SEMA5A: variants seen among roughly 807,000 people sequenced by gnomAD.
SEMA5A encodes the protein semaphorin-5A.
Under a neutral mutation model 135.5 loss-of-function variants are expected in SEMA5A, and 55 were observed. The ratio of observed to expected loss-of-function variants is 0.41; its 90% confidence interval spans 0.33 to 0.51. The LOEUF (loss-of-function observed/expected upper bound fraction) is 0.51, where lower values mean the gene tolerates loss of function less well. SEMA5A is among the 20% of genes least tolerant of loss of function. The pLI is 0.37. For missense variants in SEMA5A, 1,290 were observed against 1,419.9 expected, an observed-to-expected ratio of 0.91 and a Z score of 1.47; for synonymous variants, 580 against 546.5, an observed-to-expected ratio of 1.06 and a Z score of -0.85.
rs1561207662 is a variant in SEMA5A, at chr5:9,384,591, GATAGATAGATAGATAGATAGATAGATAC to G, written c.-77-4596_-77-4569del. Among the ~76,000 whole-genome samples the G allele has an allele frequency of 2.6e-4, 27 of 103,584 alleles. 1 individual carries two copies. Among genetic ancestry groups the G allele is most frequent in the South Asian group, 1.3e-3 (4 of 3,012 alleles). The allele number at this position is 103,584 out of a possible 152,430, so 68.0% of individuals were successfully genotyped here. ...AGATACATAGATAGATAGATAGATA[GATAGATAGATAGATAGATAGATAGATAC>G]ATAGATAGATAGATAGATAGATAGA... On this transcript the variant is annotated intron_variant, in intron 2 of 22. Transcript: ENST00000382496.
chr5:9,093,701 A>AC (rs1433832828), intron 16 of SEMA5A, among the ~76,000 whole-genome samples: 1 of 151,546 alleles, frequency 6.6e-6, no homozygotes, highest in Non-Finnish European at 1.5e-5. Context: ...TCAAAAAAAA[A>AC]CAAAAAAACA....
At chr5:9,312,645 G>A (rs186500477) in intron 5 of SEMA5A, among the ~76,000 whole-genome samples, 1 of 152,228 alleles carries the variant, frequency 6.6e-6, no homozygotes, top group Non-Finnish European at 1.5e-5. Flanking sequence ...CATTCACTCA[G>A]GGTAACAGAG....
In SEMA5A at chr5:9,202,132, C is replaced by T. The variant is rs199882438; in HGVS notation, c.755G>A (p.Arg252Gln). The change falls in exon 9 of 23, where the codon CGG becomes CAG. Residue 252 changes from arginine (R) to glutamine (Q), a missense_variant. By Grantham distance (43) the Arg-to-Gln change is conservative (BLOSUM62 1). Coordinates refer to ENST00000382496, the MANE Select transcript of SEMA5A (RefSeq NM_003966.3). ...CCCACCAATATCGTTCTTGCACACC[C>T]GGGCAGCTCTGGAGAACACTGTTTT... ...CGKTVFSRAARVCKNDIGGRF... is the reference protein window; with the variant it reads ...CGKTVFSRAAQVCKNDIGGRF... 6.2e-6 allele frequency: 10 copies of T among 1,614,156 alleles called. No individual in the cohort carries two copies. The highest frequency in any genetic ancestry group is 8.5e-6 in the Non-Finnish European group (10 of 1,180,028).
At chr5:9,157,430 C>A (rs1348197824) in intron 11 of SEMA5A, among the ~76,000 whole-genome samples, 1 of 152,222 alleles carries the variant, frequency 6.6e-6, no homozygotes, top group Admixed American at 6.5e-5. Flanking sequence ...GGCCTACCAG[C>A]ATGTCCCACC....
intron 3 of SEMA5A, among the ~76,000 whole-genome samples, chr5:9,360,752 T>C (rs955947155): frequency 1.3e-5 from 2 of 152,208 alleles, no homozygotes; most frequent in Admixed American, 1.3e-4. Context: ...AGTACTTACA[T>C]TATTCATGCA....
chr5:9,266,594 ACTT>A (rs1394376886), intron 5 of SEMA5A, among the ~76,000 whole-genome samples: 6 of 152,356 alleles, frequency 3.9e-5, no homozygotes, highest in East Asian at 1.9e-4. Context: ...CTTCTAAGCA[ACTT>A]CTTCTCACCC....
chr5:9,192,576 T>C (rs1347603518), intron 10 of SEMA5A, among the ~76,000 whole-genome samples: 1 of 38,426 alleles, frequency 2.6e-5, no homozygotes, highest in African/African-American at 1.3e-4. Flanking sequence ...GTAGTTGTAA[T>C]TGGGGGGGGG....
chr5:9,279,274 A>T (rs1750422236), intron 5 of SEMA5A, among the ~76,000 whole-genome samples: 1 of 152,172 alleles, frequency 6.6e-6, no homozygotes, highest in Admixed American at 6.5e-5. Flanking sequence ...TTGGACTTGC[A>T]TGGGACCTCT....
intron 5 of SEMA5A, among the ~76,000 whole-genome samples, chr5:9,275,049 T>A (rs931938969): frequency 1.3e-5 from 2 of 152,024 alleles, no homozygotes; most frequent in African/African-American, 4.8e-5. Flanking sequence ...AGGAGCTGGT[T>A]TATTGAAAAG....
At chr5:9,091,585 A>G (rs886753358) in intron 16 of SEMA5A, among the ~76,000 whole-genome samples, 1 of 152,166 alleles carries the variant, frequency 6.6e-6, no homozygotes, top group Non-Finnish European at 1.5e-5. Flanking sequence ...GGTCGGAATT[A>G]TTTCTATTTC....
chr5:9,438,864 A>G (rs1222918005), intron 1 of SEMA5A, among the ~76,000 whole-genome samples: 2 of 152,224 alleles, frequency 1.3e-5, no homozygotes, highest in Non-Finnish European at 2.9e-5. Context: ...TGCCTGCAGA[A>G]AATGAACTGA....
intron 16 of SEMA5A, among the ~76,000 whole-genome samples, chr5:9,095,357 T>C (rs1739258559): frequency 6.6e-6 from 1 of 152,096 alleles, no homozygotes; most frequent in Admixed American, 6.6e-5. Context: ...GTAACAAACC[T>C]GCACATTCAG....
At chr5:9,183,552 G>A (rs1364900146) in intron 11 of SEMA5A, among the ~76,000 whole-genome samples, 1 of 152,212 alleles carries the variant, frequency 6.6e-6, no homozygotes, top group African/African-American at 2.4e-5. Flanking sequence ...AGCCACGGGG[G>A]CAGCTGAGGC....
At chr5:9,314,113 T>C (rs1752285758) in intron 5 of SEMA5A, among the ~76,000 whole-genome samples, 1 of 152,222 alleles carries the variant, frequency 6.6e-6, no homozygotes, top group Non-Finnish European at 1.5e-5. Flanking sequence ...ATTTAAACAA[T>C]AATTTTTAAC....
At chr5:9,509,184 G>T (rs1736070560) in intron 1 of SEMA5A, among the ~76,000 whole-genome samples, 1 of 151,836 alleles carries the variant, frequency 6.6e-6, no homozygotes, top group African/African-American at 2.4e-5. Flanking sequence ...GAGGAATTTG[G>T]AAAGTTCACT....
chr5:9,519,533 C>T (rs1278151461), intron 1 of SEMA5A, among the ~76,000 whole-genome samples: 1 of 152,182 alleles, frequency 6.6e-6, no homozygotes, highest in Non-Finnish European at 1.5e-5. Context: ...CTAATTTGCT[C>T]ATTTATTTTC....
At chr5:9,522,121 G>A (rs1375455589) in intron 1 of SEMA5A, among the ~76,000 whole-genome samples, 1 of 152,110 alleles carries the variant, frequency 6.6e-6, no homozygotes, top group Non-Finnish European at 1.5e-5. Context: ...TCCACAGCCT[G>A]ACACCATGGT....
chr5:9,498,143 G>A (rs524976), intron 1 of SEMA5A, among the ~76,000 whole-genome samples: 147,872 of 152,296 alleles, frequency 0.97, 72,043 homozygotes, highest in Non-Finnish European at 1. Context: ...CTTAAAGATG[G>A]CCATGGGCCC....
intron 5 of SEMA5A, among the ~76,000 whole-genome samples, chr5:9,304,658 T>C (rs1364975599): frequency 6.6e-6 from 1 of 152,198 alleles, no homozygotes; most frequent in Non-Finnish European, 1.5e-5. Context: ...CTTGATATTT[T>C]CAGTTAGAAA....
Sources: gnomAD v4.1 joint callset for allele counts (sites outside exome capture counted in the v4.1 genomes callset) on GRCh38, gnomAD v4.1.1 for gene constraint, MANE v1.5 for transcripts, NCBI Gene and HGNC (gene_info 2026-07-23, HGNC 2026-07-21) for gene names.